Variants in PNLIPRP3 observed in about 807,000 individuals in gnomAD.
The protein encoded by PNLIPRP3 is pancreatic lipase-related protein 3.
In PNLIPRP3, 58 loss-of-function variants were observed where a neutral mutation model predicts 52.8. The ratio of observed to expected loss-of-function variants is 1.10; its 90% CI spans 0.89 to 1.37. The LOEUF (loss-of-function observed/expected upper bound fraction) is 1.37. Ranked by LOEUF, PNLIPRP3 falls within the 40% of genes most tolerant of loss-of-function variation. The pLI, the probability that PNLIPRP3 is intolerant of heterozygous loss-of-function variation, is 0.00. For synonymous variants in PNLIPRP3, 192 were observed against 185.0 expected (o/e 1.04, Z -0.31); for missense variants, 593 against 561.6 (o/e 1.06, Z -0.57).
chr10:116,434,021 T>G (rs189400133), intron 1 of PNLIPRP3, among the ~76,000 whole-genome samples: 347 of 152,352 alleles, frequency 2.3e-3, no homozygotes, highest in African/African-American at 7.7e-3. Context: ...TACATTTCTC[T>G]TAGATCATCA....
At chr10:116,428,177 T>A in intron 1 of PNLIPRP3, 116 bp downstream of exon 1, 1 of 732,580 alleles carries the variant, frequency 1.4e-6, no homozygotes, top group Non-Finnish European at 2.2e-6. Flanking sequence ...CATTCTTAAG[T>A]AGTTTATTGT....
intron 2 of PNLIPRP3, among the ~76,000 whole-genome samples, chr10:116,437,475 G>A (rs571417934): frequency 3.0e-4 from 45 of 152,168 alleles, no homozygotes; most frequent in Non-Finnish European, 6.3e-4. Context: ...AGAAACCACA[G>A]GCCTGTCTGA....
At position 116,469,318 on chromosome 10, in the gene PNLIPRP3, G is replaced by T; in HGVS notation, c.1060+1G>T. ...ACAGGGTCCCTTTCCCCATTTGCCC[G>T]TAAGTATCATAGCTAAGTTTAATTG... On this transcript the variant is annotated splice_donor_variant, in intron 9 of 11. Coordinates refer to ENST00000369230, the MANE Select transcript of PNLIPRP3 (RefSeq NM_001011709.3). LOFTEE classifies it high-confidence loss of function. 1.3e-6 allele frequency: 2 copies of T among 1,597,946 alleles called. No individual in the cohort carries two copies. Among genetic ancestry groups the T allele is most frequent in the Non-Finnish European group, 1.7e-6 (2 of 1,173,720 alleles).
At position 116,443,136 on chromosome 10, in the gene PNLIPRP3, T is replaced by A; in HGVS notation, c.286T>A (p.Trp96Arg). Reference sequence around the variant, plus strand: ...GATCACCCGTATCAACATAGCTGGATGGAAAACAGATGGCAAATGGCAGAG... The same window carrying A: ...GATCACCCGTATCAACATAGCTGGAAGGAAAACAGATGGCAAATGGCAGAG... ...DKITRINIAGWKTDGKWQRDM... is the reference protein window; with the variant it reads ...DKITRINIAGRKTDGKWQRDM... The change falls in exon 3 of 12, where the codon TGG becomes AGG. Residue 96 changes from tryptophan (W) to arginine (R), a missense_variant. Physicochemically the swap from Trp to Arg is moderately radical, Grantham distance 101. Coordinates refer to ENST00000369230, the MANE Select transcript of PNLIPRP3 (RefSeq NM_001011709.3). The A allele has an allele frequency of 6.2e-7, 1 of 1,611,522 alleles. No individual in the cohort carries two copies. Among genetic ancestry groups the A allele is most frequent in the Non-Finnish European group, 8.5e-7 (1 of 1,178,468 alleles).
Position 116,443,574 on chromosome 10 carries a change from G to A in PNLIPRP3, c.324+400G>A, listed in dbSNP as rs187186137. On this transcript the variant is annotated intron_variant, in intron 3 of 11. Coordinates refer to ENST00000369230, the MANE Select transcript of PNLIPRP3 (RefSeq NM_001011709.3). Reference sequence around the variant, plus strand: ...AGGCCATATAGTGAAGATAACATTAGTACCTATCTCACGGAGTGAGAATTA... The same window carrying A: ...AGGCCATATAGTGAAGATAACATTAATACCTATCTCACGGAGTGAGAATTA... Among the ~76,000 whole-genome samples, 353 of 147,292 alleles carry A rather than the reference G, an allele frequency of 2.4e-3. 1 individual carries two copies. The highest frequency in any genetic ancestry group is 8.6e-3 in the African/African-American group (344 of 40,186).
intron 8 of PNLIPRP3, among the ~76,000 whole-genome samples, chr10:116,467,435 A>T (rs7908185): frequency 0.14 from 21,388 of 152,196 alleles, 2,462 homozygotes; most frequent in African/African-American, 0.31. Context: ...AGGATGTTAC[A>T]GTAGCCCTAG....
intron 1 of PNLIPRP3, among the ~76,000 whole-genome samples, chr10:116,435,812 A>AT (rs1716211393): frequency 6.6e-6 from 1 of 152,140 alleles, no homozygotes; most frequent in African/African-American, 2.4e-5. Context: ...TTCCTTAGGT[A>AT]ATTTTTTTAC....
chr10:116,465,333 A>C (rs897325831), intron 7 of PNLIPRP3, among the ~76,000 whole-genome samples: 1 of 152,086 alleles, frequency 6.6e-6, no homozygotes, highest in Non-Finnish European at 1.5e-5. Context: ...AGGTCAGATC[A>C]AGACCATCCT....
At chr10:116,443,676 TAAACACA>T (rs1845893266) in intron 3 of PNLIPRP3, among the ~76,000 whole-genome samples, 1 of 128,012 alleles carries the variant, frequency 7.8e-6, no homozygotes, top group African/African-American at 2.8e-5. Context: ...CACATATATA[TAAACACA>T]TATATATAAA....
At chr10:116,475,788 G>C (rs1003263467) in intron 10 of PNLIPRP3, among the ~76,000 whole-genome samples, 11 of 152,284 alleles carry the variant, frequency 7.2e-5, no homozygotes, top group Admixed American at 3.3e-4. Flanking sequence ...ATAGTTATAA[G>C]TTATGAAGAA....
At chr10:116,465,674 G>A (rs984329928) in intron 7 of PNLIPRP3, among the ~76,000 whole-genome samples, 2 of 152,182 alleles carry the variant, frequency 1.3e-5, no homozygotes, top group African/African-American at 2.4e-5. Flanking sequence ...TGGCAGCTTC[G>A]TTTTCAGGCT....
chr10:116,440,758 C>T (rs930685022), intron 2 of PNLIPRP3, among the ~76,000 whole-genome samples: 4 of 152,182 alleles, frequency 2.6e-5, no homozygotes, highest in Non-Finnish European at 5.9e-5. Flanking sequence ...ATCCATGACA[C>T]CTTAACCTAG....
intron 3 of PNLIPRP3, 132 bp from the exon 4 acceptor site, chr10:116,444,250 A>T (rs1440802035): frequency 1.4e-6 from 1 of 719,826 alleles, no homozygotes; most frequent in Non-Finnish European, 2.1e-6. Context: ...TCAAGATAAG[A>T]TTTGGTCGGG....
intron 1 of PNLIPRP3, 100 bp downstream of exon 1, chr10:116,428,161 T>C (rs1397032673): frequency 2.4e-6 from 2 of 846,676 alleles, no homozygotes; most frequent in African/African-American, 1.8e-5. Flanking sequence ...TTACTATTGC[T>C]AATTTCATTC....
At chr10:116,464,209 A>G (rs7069129) in intron 7 of PNLIPRP3, among the ~76,000 whole-genome samples, 19,990 of 152,186 alleles carry the variant, frequency 0.13, 2,389 homozygotes, top group African/African-American at 0.32. Context: ...CTGGTTCACA[A>G]TGCTGACTGT....
intron 1 of PNLIPRP3, among the ~76,000 whole-genome samples, chr10:116,430,584 GGTTTTAATTGACT>G (rs60615102): frequency 0.02 from 3,052 of 152,168 alleles, 120 homozygotes; most frequent in African/African-American, 0.067. Flanking sequence ...ACAGGGGTAT[GGTTTTAATTGACT>G]GTAGGATTTA....
rs1846102297 is a variant in PNLIPRP3 at position 116,455,720 on chromosome 10, A to G, written c.457-2A>G. 1 of 1,609,200 alleles carries G rather than the reference A, an allele frequency of 6.2e-7. No homozygotes were observed. The highest frequency in any genetic ancestry group is 8.5e-7 in the Non-Finnish European group (1 of 1,175,966). ...ACTTATTCTGTTAAACAATTCTTTCAGAAAAAATTTGAATATTCCCCTTCT... is the reference window on the plus strand; with the variant it reads ...ACTTATTCTGTTAAACAATTCTTTCGGAAAAAATTTGAATATTCCCCTTCT... On this transcript the variant is annotated splice_acceptor_variant, in intron 4 of 11. Transcript: ENST00000369230. LOFTEE classifies it high-confidence loss of function.
At chr10:116,451,836 C>T (rs1003261475) in intron 4 of PNLIPRP3, among the ~76,000 whole-genome samples, 4 of 58,004 alleles carry the variant, frequency 6.9e-5, no homozygotes, top group African/African-American at 9.7e-5. Flanking sequence ...CAAGAATGAA[C>T]TAACACAAAA....
intron 8 of PNLIPRP3, among the ~76,000 whole-genome samples, chr10:116,466,772 C>G (rs1262721916): frequency 6.6e-6 from 1 of 152,130 alleles, no homozygotes. Flanking sequence ...GACCTAATCC[C>G]CTGTTTTATC....
Sources: gnomAD v4.1 joint callset for allele counts (sites outside exome capture counted in the v4.1 genomes callset) on GRCh38, gnomAD v4.1.1 for gene constraint, MANE v1.5 for transcripts, NCBI Gene and HGNC (gene_info 2026-07-23, HGNC 2026-07-21) for gene names.